SLC23A1: variants seen among roughly 807,000 people sequenced by gnomAD.
SLC23A1 encodes solute carrier family 23 member 1, also known as Na(+)/L-ascorbic acid transporter 1.
A neutral mutation model predicts 62.5 loss-of-function variants in SLC23A1; 31 were observed. That is an observed-to-expected ratio of 0.50 (90% CI 0.37 to 0.67). The LOEUF (loss-of-function observed/expected upper bound fraction) is 0.67, where lower values mean the gene tolerates loss of function less well. SLC23A1 is among the 30% of genes least tolerant of loss of function. The pLI, the probability that SLC23A1 is intolerant of heterozygous loss-of-function variation, is 0.00. For synonymous variants in SLC23A1, 271 were observed against 313.2 expected, an observed-to-expected ratio of 0.87 and a Z score of 1.42; for missense variants, 640 against 782.7, an observed-to-expected ratio of 0.82 and a Z score of 2.18.
In SLC23A1 at chr5:139,378,490, T is replaced by C; in HGVS notation, c.1179+89A>G. On this transcript the variant is annotated intron_variant, in intron 10 of 14. Transcript: ENST00000348729. The surrounding 1 kb of genome is among the most constrained non-coding windows in gnomAD (Gnocchi z 4.5). ...GGGGCGAGGCCTCTCAAAGACAGGG[T>C]GGGGCTAAACCAAAGTGGGGACCGA... 7.0e-7 allele frequency: 1 copy of C among 1,429,950 alleles called. No homozygotes were observed. Among genetic ancestry groups the C allele is most frequent in the Non-Finnish European group, 9.6e-7 (1 of 1,041,226 alleles). The allele number at this position is 1,429,950 out of a possible 1,614,324, so 88.6% of individuals were successfully genotyped here. A position where few individuals can be genotyped will look rare whatever the true frequency, so the allele number is the denominator to read the frequency against.
chr5:139,379,655 G>A lies in SLC23A1; in HGVS notation c.925+23C>T. 2 of 1,593,106 alleles carry A rather than the reference G, an allele frequency of 1.3e-6. No homozygotes were observed. Among genetic ancestry groups the A allele is most frequent in the Non-Finnish European group, 1.7e-6 (2 of 1,167,634 alleles). On this transcript the variant is annotated intron_variant, in intron 8 of 14. Coordinates refer to ENST00000348729, the MANE Select transcript of SLC23A1 (RefSeq NM_005847.5). The surrounding 1 kb of genome is among the most constrained non-coding windows in gnomAD (Gnocchi z 4.7). ...ATAGGTGGTCTCAGTTGGGGGCAGA[G>A]GGGCCCAAGGGGTGTTGCTCACAGG...
intron 13 of SLC23A1, among the ~76,000 whole-genome samples, chr5:139,373,303 G>A (rs973098856): frequency 4.0e-5 from 6 of 151,776 alleles, no homozygotes; most frequent in South Asian, 2.1e-4. Context: ...TCAGCCTCCC[G>A]AGTAGCTGGG....
At chr5:139,368,802 G>C (rs1757467113) in intron 14 of SLC23A1, 1 of 1,605,058 alleles carries the variant, frequency 6.2e-7, no homozygotes. Context: ...TATTTGAGTA[G>C]ACGGGGCCCT....
intron 14 of SLC23A1, chr5:139,369,016 G>A (rs1426331523): frequency 7.1e-6 from 3 of 424,176 alleles, no homozygotes; most frequent in Middle Eastern, 5.7e-4. Context: ...ATGGCTTGAT[G>A]TGAAGACAGC....
Position 139,379,106 on chromosome 5 carries a change from G to C in SLC23A1, c.1073+101C>G. ...AGAATGAGGTCTGGAGCGTGTTCCC[G>C]ACTTGCCTAAGCCTACCCCCTGGGC... On this transcript the variant is annotated intron_variant, in intron 9 of 14. Transcript: ENST00000348729. This position sits in a 1 kb window ranked among gnomAD's most constrained non-coding sequence, Gnocchi z 4.7. 9 of 1,226,416 alleles carry C rather than the reference G, an allele frequency of 7.3e-6. No individual in the cohort carries two copies. The highest frequency in any genetic ancestry group is 1.1e-5 in the Non-Finnish European group (9 of 847,406). 76.0% of individuals were successfully genotyped at this position (1,226,416 alleles called of 1,614,324 possible). A position where few individuals can be genotyped will look rare whatever the true frequency, so the allele number is the denominator to read the frequency against.
At chr5:139,383,981 G>T (rs1399316030), upstream of SLC23A1, among the ~76,000 whole-genome samples, 1 of 152,232 alleles carries the variant, frequency 6.6e-6, no homozygotes, top group Non-Finnish European at 1.5e-5. Context: ...TGCACTCTGT[G>T]TCAGGGCACA....
upstream of SLC23A1, chr5:139,383,311 C>T (rs1041715417): frequency 5.0e-6 from 8 of 1,598,038 alleles, no homozygotes; most frequent in Admixed American, 3.4e-5. Flanking sequence ...TTGACAAAGG[C>T]CAAGGAGGAG....
In SLC23A1 at chr5:139,378,551, A is replaced by G. The variant is rs1260203617; in HGVS notation, c.1179+28T>C. 6.5e-7 allele frequency: 1 copy of G among 1,529,710 alleles called. No individual in the cohort carries two copies. The highest frequency in any genetic ancestry group is 2.4e-5 in the East Asian group (1 of 41,260). 94.8% of individuals were successfully genotyped at this position (1,529,710 alleles called of 1,614,324 possible). ...GGCCTGCGGCCCACGGAATTAGGGC[A>G]GGATTTGGCTCTGGCTCGTCGCGAC... On this transcript the variant is annotated intron_variant, in intron 10 of 14. Coordinates refer to ENST00000348729, the MANE Select transcript of SLC23A1 (RefSeq NM_005847.5). This position sits in a 1 kb window ranked among gnomAD's most constrained non-coding sequence, Gnocchi z 4.5.
At chr5:139,371,834 C>T (rs72552212) in intron 14 of SLC23A1, among the ~76,000 whole-genome samples, 153 bp downstream of exon 14, 4 of 152,224 alleles carry the variant, frequency 2.6e-5, no homozygotes, top group Admixed American at 6.5e-5. Context: ...ACCCAAAATC[C>T]GTATGTTGAC....
chr5:139,381,187 C>CTG (rs1443455406), intron 3 of SLC23A1, among the ~76,000 whole-genome samples: 1 of 152,262 alleles, frequency 6.6e-6, no homozygotes, highest in Non-Finnish European at 1.5e-5. Flanking sequence ...CCAGGTTTCT[C>CTG]TCACAATCTT....
intron 14 of SLC23A1, 126 bp downstream of exon 14, chr5:139,371,861 C>G (rs1246431230): frequency 1.3e-6 from 1 of 759,872 alleles, no homozygotes; most frequent in Non-Finnish European, 2.2e-6. Flanking sequence ...CCCAGCTCAC[C>G]TTCTCTTTGA....
intron 2 of SLC23A1, chr5:139,382,287 AC>A: frequency 1.7e-6 from 1 of 599,544 alleles, no homozygotes; most frequent in South Asian, 2.0e-5. Context: ...TGTCACCAAC[AC>A]CCCACCTGGC....
intron 1 of SLC23A1, among the ~76,000 whole-genome samples, 197 bp from the exon 2 acceptor site, chr5:139,382,802 A>T (rs1561983073): frequency 6.6e-6 from 1 of 152,224 alleles, no homozygotes; most frequent in Non-Finnish European, 1.5e-5. Flanking sequence ...TGCTTCCCGC[A>T]GGGATGAGTC....
intron 3 of SLC23A1, among the ~76,000 whole-genome samples, chr5:139,381,383 G>C (rs1187666923): frequency 1.3e-5 from 2 of 151,640 alleles, no homozygotes; most frequent in African/African-American, 4.9e-5. Flanking sequence ...GCTAGGCTTG[G>C]TGGCTCACGC....
intron 13 of SLC23A1, among the ~76,000 whole-genome samples, chr5:139,375,476 T>A (rs1455079755): frequency 2.0e-5 from 3 of 152,078 alleles, no homozygotes; most frequent in African/African-American, 7.2e-5. Flanking sequence ...GGCTGTAGTA[T>A]GCTATGATCA....
rs533126674 is a variant in SLC23A1 at position 139,378,170 on chromosome 5, A to C, written c.1309+52T>G. On this transcript the variant is annotated intron_variant, in intron 11 of 14. Transcript: ENST00000348729. The surrounding 1 kb of genome is among the most constrained non-coding windows in gnomAD (Gnocchi z 4.5). ...GCGCCGCACACGCGTAATCCAGGTG[A>C]GTCCCACTCGGCGACCCGCACCGCG... 1 of 1,613,270 alleles carries C rather than the reference A, an allele frequency of 6.2e-7. No individual in the cohort carries two copies. The highest frequency in any genetic ancestry group is 1.3e-5 in the African/African-American group (1 of 75,024).
chr5:139,378,181 G>T lies in SLC23A1; in HGVS notation c.1309+41C>A, dbSNP rs1471577246. On this transcript the variant is annotated intron_variant, in intron 11 of 14. Transcript: ENST00000348729. This position sits in a 1 kb window ranked among gnomAD's most constrained non-coding sequence, Gnocchi z 4.5. ...GCGTAATCCAGGTGAGTCCCACTCG[G>T]CGACCCGCACCGCGACCCGTGGCCC... 8 of 1,613,012 alleles carry T rather than the reference G, an allele frequency of 5.0e-6. No individual in the cohort carries two copies. The highest frequency in any genetic ancestry group is 5.9e-6 in the Non-Finnish European group (7 of 1,179,500).
rs191408710 is a variant in SLC23A1 at position 139,372,999 on chromosome 5, G to A, written c.1550-746C>T. ...GGGGACCAAATCAAGTCCAGATTGCGTTCTGGGGGTAAGGGAGGCATATTT... is the reference window on the plus strand; with the variant it reads ...GGGGACCAAATCAAGTCCAGATTGCATTCTGGGGGTAAGGGAGGCATATTT... On this transcript the variant is annotated intron_variant, in intron 13 of 14. Transcript: ENST00000348729. Among the ~76,000 whole-genome samples, 14 of 152,272 alleles carry A rather than the reference G, an allele frequency of 9.2e-5. No individual in the cohort carries two copies. The East Asian group carries it at 1.9e-3, about 21-fold the overall frequency.
Position 139,382,014 on chromosome 5 carries a change from C to T in SLC23A1, c.186G>A (p.Val62=), listed in dbSNP as rs777498849. 3.1e-6 allele frequency: 5 copies of T among 1,608,908 alleles called. No individual in the cohort carries two copies. Among genetic ancestry groups the T allele is most frequent in the Middle Eastern group, 1.7e-4 (1 of 5,986 alleles). The part of the protein sequence containing the change: ...YLTCFSGTIA[V]PFLLAEALCV... ...ACAGCGCCTCAGCCAGCAGGAAGGGCACGGCGATGGTACCACTGAAGCATG... is the reference window on the plus strand; with the variant it reads ...ACAGCGCCTCAGCCAGCAGGAAGGGTACGGCGATGGTACCACTGAAGCATG... The change falls in exon 3 of 15, where the codon GTG becomes GTA. Residue 62 remains valine (V), a synonymous_variant. Coordinates refer to ENST00000348729, the MANE Select transcript of SLC23A1 (RefSeq NM_005847.5).
Sources: allele counts gnomAD v4.1 joint callset (sites outside exome capture counted in the v4.1 genomes callset), GRCh38; gene constraint gnomAD v4.1.1; non-coding constraint Gnocchi (gnomAD v3.1); transcripts MANE v1.5; gene names NCBI Gene and HGNC (gene_info 2026-07-23, HGNC 2026-07-21).